KCNIP1: variants seen among roughly 807,000 people sequenced by gnomAD.
KCNIP1 encodes A-type potassium channel modulatory protein KCNIP1.
KCNIP1 carries 18 observed loss-of-function variants against 33.0 expected under a neutral mutation model. The ratio of observed to expected loss-of-function variants is 0.55; its 90% CI spans 0.38 to 0.81. KCNIP1 has a LOEUF of 0.81. Among genes scored for constraint, KCNIP1 ranks in the 30% least tolerant of loss-of-function variants. KCNIP1 has a pLI of 0.00. For synonymous variants in KCNIP1, 93 were observed against 98.3 expected (o/e 0.95, Z 0.32); for missense variants, 238 against 271.6 (o/e 0.88, Z 0.87).
At chr5:170,464,471 G>T (rs1211461510) in intron 1 of KCNIP1, among the ~76,000 whole-genome samples, 1 of 152,186 alleles carries the variant, frequency 6.6e-6, no homozygotes, top group African/African-American at 2.4e-5. Context: ...AGTCCATCTT[G>T]CACTTCCTGA....
intron 1 of KCNIP1, among the ~76,000 whole-genome samples, chr5:170,627,913 C>T (rs1282326608): frequency 6.6e-6 from 1 of 152,196 alleles, no homozygotes; most frequent in South Asian, 2.1e-4. Flanking sequence ...ATGAGAATAT[C>T]GGGTGACCTC....
chr5:170,354,803 T>C (rs1198826453), intron 1 of KCNIP1, among the ~76,000 whole-genome samples: 1 of 152,174 alleles, frequency 6.6e-6, no homozygotes, highest in Non-Finnish European at 1.5e-5. Context: ...TGGCCAACTT[T>C]GTGGAGATGA....
chr5:170,691,144 A>T (rs1010519689), intron 1 of KCNIP1, among the ~76,000 whole-genome samples: 2 of 152,240 alleles, frequency 1.3e-5, no homozygotes, highest in East Asian at 1.9e-4. Context: ...ATCAGTTTGA[A>T]TGCCTTATGG....
intron 1 of KCNIP1, chr5:170,385,451 C>T (rs540126216): frequency 3.1e-6 from 5 of 1,614,140 alleles, no homozygotes; most frequent in South Asian, 2.2e-5. Context: ...TCACCATATT[C>T]ACTGGGGGCA....
intron 1 of KCNIP1, among the ~76,000 whole-genome samples, chr5:170,638,556 T>C (rs895777511): frequency 3.3e-5 from 5 of 152,232 alleles, no homozygotes; most frequent in African/African-American, 1.2e-4. Context: ...CTCTGAAGAC[T>C]ACAGCAATAA....
intron 1 of KCNIP1, among the ~76,000 whole-genome samples, chr5:170,709,616 C>T (rs774805130): frequency 6.6e-6 from 1 of 152,014 alleles, no homozygotes; most frequent in Non-Finnish European, 1.5e-5. Context: ...TTTAATTTTT[C>T]AGTGGTTTTA....
chr5:170,414,959 C>T lies in KCNIP1; in HGVS notation c.88+60995C>T, dbSNP rs530591690. On this transcript the variant is annotated intron_variant, in intron 1 of 7. Coordinates refer to the KCNIP1 transcript ENST00000377360. ...CAGGTGTTGGGAAGGCTTCCAATGC[C>T]CAGCATGTAGTAGGTGCTCAGCAAA... Among the ~76,000 whole-genome samples, 74 of 152,218 alleles carry T rather than the reference C, an allele frequency of 4.9e-4. 2 individuals carry two copies. The South Asian group carries it at 0.014, about 29-fold the overall frequency.
intron 1 of KCNIP1, among the ~76,000 whole-genome samples, chr5:170,370,963 C>T (rs1015479049): frequency 3.9e-5 from 6 of 152,180 alleles, no homozygotes; most frequent in Non-Finnish European, 5.9e-5. Context: ...GACTCTGAGG[C>T]AATATGTAAG....
chr5:170,391,453 T>C (rs1359060771), intron 1 of KCNIP1, among the ~76,000 whole-genome samples: 2 of 152,244 alleles, frequency 1.3e-5, no homozygotes, highest in East Asian at 3.8e-4. Context: ...TGACAAGCCC[T>C]GTCCTCGAGG....
At chr5:170,599,033 C>G (rs1317612726) in intron 1 of KCNIP1, among the ~76,000 whole-genome samples, 1 of 151,884 alleles carries the variant, frequency 6.6e-6, no homozygotes, top group Non-Finnish European at 1.5e-5. Flanking sequence ...GTTTGCAGAT[C>G]TCAATATCCT....
chr5:170,537,074 T>C (rs1198970526), intron 1 of KCNIP1, among the ~76,000 whole-genome samples: 1 of 152,174 alleles, frequency 6.6e-6, no homozygotes, highest in African/African-American at 2.4e-5. Flanking sequence ...CCCCCTCAGG[T>C]CCGTCCTTGT....
intron 1 of KCNIP1, among the ~76,000 whole-genome samples, chr5:170,716,238 C>T (rs976203025): frequency 6.6e-6 from 1 of 152,196 alleles, no homozygotes; most frequent in African/African-American, 2.4e-5. Context: ...CAAAGGAATA[C>T]ATTAAAACTA....
chr5:170,380,913 T>C (rs921386527), intron 1 of KCNIP1, among the ~76,000 whole-genome samples: 45 of 152,140 alleles, frequency 3.0e-4, no homozygotes, highest in African/African-American at 8.0e-4. Context: ...TCATGGGGAT[T>C]AAATGAGATG....
intron 1 of KCNIP1, among the ~76,000 whole-genome samples, chr5:170,582,490 C>T (rs528626150): frequency 1.1e-4 from 16 of 152,332 alleles, no homozygotes; most frequent in South Asian, 2.1e-4. Context: ...CATCTACCCC[C>T]TTCTCTCTAT....
chr5:170,735,938 T>G lies in KCNIP1; in HGVS notation c.*132T>G. On this transcript the variant is annotated 3_prime_UTR_variant, in exon 8 of 8. Coordinates refer to ENST00000328939, the MANE Select transcript of KCNIP1 (RefSeq NM_014592.4). ...AACACCTTTTACACTTTGGAAGAAT[T>G]CTCTGCTGAAGACTTTCTATGGAAC... 1 of 759,080 alleles carries G rather than the reference T, an allele frequency of 1.3e-6. No individual in the cohort carries two copies. Among genetic ancestry groups the G allele is most frequent in the Non-Finnish European group, 2.2e-6 (1 of 455,136 alleles). 47.0% of individuals were successfully genotyped at this position (759,080 alleles called of 1,614,324 possible). A position where few individuals can be genotyped will look rare whatever the true frequency, so the allele number is the denominator to read the frequency against.
chr5:170,502,766 G>A (rs540395343), upstream of KCNIP1, among the ~76,000 whole-genome samples: 1 of 152,122 alleles, frequency 6.6e-6, no homozygotes, highest in African/African-American at 2.4e-5. Flanking sequence ...GGGTGGGATT[G>A]TAGGGGGCAG....
intron 1 of KCNIP1, among the ~76,000 whole-genome samples, chr5:170,485,534 A>C (rs1035903417): frequency 6.6e-6 from 1 of 152,200 alleles, no homozygotes; most frequent in African/African-American, 2.4e-5. Flanking sequence ...ATGAGGATTC[A>C]TAAACCCTAT....
chr5:170,672,464 C>T (rs901469283), intron 1 of KCNIP1, among the ~76,000 whole-genome samples: 8 of 152,266 alleles, frequency 5.3e-5, no homozygotes, highest in African/African-American at 1.9e-4. Flanking sequence ...AATCCAAACG[C>T]TTCCAAAGGA....
At chr5:170,502,728 G>A (rs1192045629), upstream of KCNIP1, among the ~76,000 whole-genome samples, 1 of 152,132 alleles carries the variant, frequency 6.6e-6, no homozygotes, top group Admixed American at 6.5e-5. Context: ...AGCATGGTGT[G>A]TATCTGTGTG....
Sources: gnomAD v4.1 joint callset for allele counts (sites outside exome capture counted in the v4.1 genomes callset) on GRCh38, gnomAD v4.1.1 for gene constraint, MANE v1.5 for transcripts, NCBI Gene and HGNC (gene_info 2026-07-23, HGNC 2026-07-21) for gene names.